The following RNF213 variants were observed in gnomAD, a reference collection of about 807,000 sequenced individuals.
RNF213 encodes E3 ubiquitin-protein ligase RNF213.
A neutral mutation model predicts 514.4 loss-of-function variants in RNF213; 341 were observed. The ratio of observed to expected loss-of-function variants is 0.66; its 90% CI spans 0.61 to 0.73. The LOEUF (loss-of-function observed/expected upper bound fraction) is 0.73, where lower values mean the gene tolerates loss of function less well. RNF213 is among the 30% of genes least tolerant of loss of function. The pLI, the probability that RNF213 is intolerant of heterozygous loss-of-function variation, is 0.00. For synonymous variants in RNF213, 2,655 were observed against 2,658.2 expected (o/e 1.00, Z 0.04); for missense variants, 5,767 against 6,615.6 (o/e 0.87, Z 4.45).
At chr17:80,281,981 C>G (rs767888855) in intron 3 of RNF213, among the ~76,000 whole-genome samples, 1 of 152,028 alleles carries the variant, frequency 6.6e-6, no homozygotes, top group Non-Finnish European at 1.5e-5. Flanking sequence ...CTCAGCCTCC[C>G]GAGCAGCTGG....
Position 80,372,551 on chromosome 17 carries a change from T to C in RNF213, c.12568T>C (p.Ser4190Pro), listed in dbSNP as rs2079557351. ...AATACTTGAGAAGACCAGTGCTTAC[T>C]CCAGAAATGATGAACTGAACCACCT... ...DSILEKTSAY[S>P]RNDELNHLEE... The change falls in exon 48 of 68, where the codon TCC (serine) becomes CCC (proline). Residue 4190 changes from serine to proline, a missense_variant. Physicochemically the swap from Ser to Pro is moderately conservative, Grantham distance 74. Transcript: ENST00000582970. The C allele has an allele frequency of 6.2e-7, 1 of 1,613,866 alleles. No individual in the cohort carries two copies. The highest frequency in any genetic ancestry group is 8.5e-7 in the Non-Finnish European group (1 of 1,179,878).
intron 21 of RNF213, 22 bp downstream of exon 21, chr17:80,332,653 G>A (rs1162103608): frequency 6.8e-7 from 1 of 1,465,250 alleles, no homozygotes; most frequent in African/African-American, 1.4e-5. Flanking sequence ...GCTGGGGACT[G>A]TGGGGGTTTG....
chr17:80,290,326 T>C (rs2044649434), intron 6 of RNF213, among the ~76,000 whole-genome samples: 1 of 151,702 alleles, frequency 6.6e-6, no homozygotes, highest in South Asian at 2.1e-4. Context: ...TGCGTTCACG[T>C]GTGTGTGCGC....
At position 80,317,288 on chromosome 17, in the gene RNF213, T is replaced by A. The variant is rs1157355837; in HGVS notation, c.2901+11T>A. The A allele has an allele frequency of 5.6e-6, 9 of 1,610,472 alleles. No homozygotes were observed. The highest frequency in any genetic ancestry group is 7.6e-6 in the Non-Finnish European group (9 of 1,179,104). ...TGGAGGCTCACAAAGGTACCAAAAGTTTGGGGGCAGTCTTTTCAGGGCGTG... is the reference window on the plus strand; with the variant it reads ...TGGAGGCTCACAAAGGTACCAAAAGATTGGGGGCAGTCTTTTCAGGGCGTG... On this transcript the variant is annotated intron_variant, in intron 16 of 67. Coordinates refer to ENST00000582970, the MANE Select transcript of RNF213 (RefSeq NM_001256071.3). The surrounding 1 kb of genome is among the most constrained non-coding windows in gnomAD (Gnocchi z 4.1).
intron 14 of RNF213, 95 bp from the exon 15 acceptor site, chr17:80,312,917 G>A: frequency 1.4e-6 from 2 of 1,432,848 alleles, no homozygotes; most frequent in South Asian, 2.3e-5. Flanking sequence ...TGAGCAGCCT[G>A]TGCCAGCAGG....
chr17:80,348,771 G>A (rs1013004902), intron 29 of RNF213, among the ~76,000 whole-genome samples: 2 of 152,246 alleles, frequency 1.3e-5, no homozygotes, highest in African/African-American at 2.4e-5. Context: ...GGCCGGGAAG[G>A]GATTGTAGGC....
At chr17:80,290,495 G>C in intron 6 of RNF213, 75 bp from the exon 7 acceptor site, 1 of 1,569,852 alleles carries the variant, frequency 6.4e-7, no homozygotes, top group Non-Finnish European at 8.7e-7. Flanking sequence ...ACGTGTGTGT[G>C]TGCGCGTGTG....
rs1354116535 is a variant in RNF213, at chr17:80,395,851, T to C, written c.*2353T>C. On this transcript the variant is annotated 3_prime_UTR_variant, in exon 68 of 68. Transcript: ENST00000582970. ...AGAACCACAGCAAGAAGAGGAGGCA[T>C]GCTGGCCTGCACCGGAAGACTCACT... is the stretch of plus-strand genomic sequence containing the variant. 6.6e-6 allele frequency: 1 copy of C among 152,198 alleles called. No homozygotes were observed. The highest frequency in any genetic ancestry group is 2.4e-5 in the African/African-American group (1 of 41,440). The allele number at this position is 152,198 out of a possible 1,614,324, so 9.4% of individuals were successfully genotyped here. A position where few individuals can be genotyped will look rare whatever the true frequency, so the allele number is the denominator to read the frequency against.
At chr17:80,349,581 C>T (rs1438162381) in intron 29 of RNF213, among the ~76,000 whole-genome samples, 189 bp from the exon 30 acceptor site, 6 of 152,192 alleles carry the variant, frequency 3.9e-5, no homozygotes, top group Non-Finnish European at 7.3e-5. Flanking sequence ...TGCCTTTGGC[C>T]CTGTAGGGCC....
Position 80,367,760 on chromosome 17 carries a change from A to G in RNF213, c.11884A>G (p.Asn3962Asp), listed in dbSNP as rs138615753. 39 of 1,613,884 alleles carry G rather than the reference A, an allele frequency of 2.4e-5. No individual in the cohort carries two copies. Among genetic ancestry groups the G allele is most frequent in the Non-Finnish European group, 2.8e-5 (33 of 1,179,946 alleles). The change falls in exon 43 of 68, where the codon AAC becomes GAC. Residue 3962 changes from asparagine (N) to aspartate (D), a missense_variant. This residue lies in a region of RNF213 where 355 missense variants were observed against 358.0 expected (regional missense o/e 0.99). Transcript: ENST00000582970. Reference sequence around the variant, plus strand: ...TGCCTTTCTTCAGTGTCTTCGAGAGAACTCTGACGTGAAGACGCACGGGCC... The same window carrying G: ...TGCCTTTCTTCAGTGTCTTCGAGAGGACTCTGACGTGAAGACGCACGGGCC... ...VFLLDKCLRE[N>D]SDVKTHGPFE... is the part of the protein sequence containing the mutation.
In RNF213 at chr17:80,273,299, G is replaced by A; in HGVS notation, c.156G>A (p.Gly52=). 6.2e-7 allele frequency: 1 copy of A among 1,613,656 alleles called. No individual in the cohort carries two copies. Among genetic ancestry groups the A allele is most frequent in the Middle Eastern group, 1.6e-4 (1 of 6,062 alleles). ...CCTCGGAGGGTGAAATGGAGTGTGGGCAGGAGCTGAAGGAGGAAGGGGGCC... is the reference window on the plus strand; with the variant it reads ...CCTCGGAGGGTGAAATGGAGTGTGGACAGGAGCTGAAGGAGGAAGGGGGCC... The part of the protein sequence containing the change: ...ASASEGEMEC[G]QELKEEGGPC... The change falls in exon 3 of 68, where the codon GGG becomes GGA. Residue 52 remains glycine (G), a synonymous_variant. Coordinates refer to ENST00000582970, the MANE Select transcript of RNF213 (RefSeq NM_001256071.3).
chr17:80,388,795 C>G, intron 64 of RNF213, 106 bp downstream of exon 64: 1 of 905,204 alleles, frequency 1.1e-6, no homozygotes, highest in East Asian at 2.4e-5. Flanking sequence ...TTGCTGTGAG[C>G]CCACAGTTTC....
rs769824194 is a variant in RNF213, at chr17:80,394,589, C to G, written c.*1091C>G. 6.6e-6 allele frequency: 1 copy of G among 152,192 alleles called. No homozygotes were observed. The highest frequency in any genetic ancestry group is 2.4e-5 in the African/African-American group (1 of 41,442). 9.4% of individuals were successfully genotyped at this position (152,192 alleles called of 1,614,324 possible). ...TCTCTTCCTAGACAGCTCAGCACAG[C>G]TATTGATATGTTAGAGGCAGTATCC... On this transcript the variant is annotated 3_prime_UTR_variant, in exon 68 of 68. Transcript: ENST00000582970.
At chr17:80,262,776 G>A (rs912203375) in intron 1 of RNF213, among the ~76,000 whole-genome samples, 3 of 152,168 alleles carry the variant, frequency 2.0e-5, no homozygotes, top group Admixed American at 1.3e-4. Context: ...TCCGTCCCTC[G>A]TTCAGGCCCA....
chr17:80,270,956 A>C (rs755821277), intron 2 of RNF213, among the ~76,000 whole-genome samples: 23 of 152,150 alleles, frequency 1.5e-4, no homozygotes, highest in Non-Finnish European at 2.8e-4. Context: ...TCCAGGATGC[A>C]CTGAGTGGCA....
intron 6 of RNF213, among the ~76,000 whole-genome samples, chr17:80,290,348 T>C (rs939154084): frequency 2.0e-5 from 3 of 151,704 alleles, no homozygotes; most frequent in African/African-American, 7.3e-5. Context: ...CGTGTGTGCG[T>C]GTGCATGTAT....
chr17:80,294,585 C>T, intron 8 of RNF213, 135 bp from the exon 9 acceptor site: 4 of 1,139,068 alleles, frequency 3.5e-6, no homozygotes, highest in South Asian at 2.5e-5. Context: ...TGGGTTTTTG[C>T]TTTTCCCTTC....
intron 61 of RNF213, 35 bp from the exon 62 acceptor site, chr17:80,386,215 T>C (rs1217167134): frequency 6.3e-7 from 1 of 1,596,448 alleles, no homozygotes; most frequent in Non-Finnish European, 8.5e-7. Flanking sequence ...GAGTTGGAAC[T>C]CCTCTCTGCT....
At chr17:80,364,203 C>T (rs2079165230) in intron 41 of RNF213, among the ~76,000 whole-genome samples, 1 of 152,166 alleles carries the variant, frequency 6.6e-6, no homozygotes, top group South Asian at 2.1e-4. Flanking sequence ...TGTGGTGGTA[C>T]CCCATGCAGA....
Sources: allele counts gnomAD v4.1 joint callset (sites outside exome capture counted in the v4.1 genomes callset), GRCh38; gene constraint gnomAD v4.1.1; regional missense constraint gnomAD v4.1.1; non-coding constraint Gnocchi (gnomAD v3.1); transcripts MANE v1.5; gene names NCBI Gene and HGNC (gene_info 2026-07-23, HGNC 2026-07-21).